The following NELL1 variants were observed in gnomAD, a reference collection of about 807,000 sequenced individuals.
The protein encoded by NELL1 is neural EGFL like 1, also known as protein kinase C-binding protein NELL1.
Under a neutral mutation model 107.4 loss-of-function variants are expected in NELL1, and 76 were observed. The ratio of observed to expected loss-of-function variants is 0.71; its 90% CI spans 0.59 to 0.86. The LOEUF (loss-of-function observed/expected upper bound fraction) is 0.86. NELL1 is among the 40% of genes least tolerant of loss of function. NELL1 has a pLI of 0.00. For synonymous variants in NELL1, 353 were observed against 341.2 expected (o/e 1.03, Z -0.38); for missense variants, 1,024 against 1,005.5 (o/e 1.02, Z -0.25).
chr11:21,385,944 C>T (rs1264909887), intron 15 of NELL1, among the ~76,000 whole-genome samples: 1 of 151,832 alleles, frequency 6.6e-6, no homozygotes, highest in Admixed American at 6.6e-5. Flanking sequence ...ATCCAGTCCC[C>T]ATCTTTTCCT....
Position 21,056,338 on chromosome 11 carries a change from T to A in NELL1, c.1301-57251T>A, listed in dbSNP as rs535781203. 7.9e-5 allele frequency among the ~76,000 whole-genome samples: 12 copies of A among 152,276 alleles called. 2 individuals carry two copies. The South Asian group carries it at 2.5e-3, about 32-fold the overall frequency. On this transcript the variant is annotated intron_variant, in intron 12 of 19. Transcript: ENST00000357134. ...TACCTTATTTGCTAACTTTTAGAAG[T>A]CAAACTGATTATAGTTGGGATCTCA...
intron 16 of NELL1, among the ~76,000 whole-genome samples, chr11:21,536,512 C>T (rs897145056): frequency 8.5e-5 from 13 of 152,152 alleles, no homozygotes; most frequent in African/African-American, 3.1e-4. Context: ...AAAGACTTGT[C>T]ACTCCTTTCT....
rs115490947 is a variant in NELL1, at chr11:21,147,926, G to A, written c.1426+34212G>A. On this transcript the variant is annotated intron_variant, in intron 13 of 19. Coordinates refer to ENST00000357134, the MANE Select transcript of NELL1 (RefSeq NM_006157.5). ...TTAGAAAAGTAGTTGCTTTGGATTA[G>A]TTTGGCATTAGCAGAGGTACCCTAA... is the stretch of plus-strand genomic sequence containing the variant. 2.6e-3 allele frequency among the ~76,000 whole-genome samples: 386 copies of A among 148,630 alleles called. 4 individuals carry two copies. Among genetic ancestry groups the A allele is most frequent in the African/African-American group, 8.8e-3 (357 of 40,510 alleles).
chr11:21,411,510 G>A (rs917612561), intron 15 of NELL1, among the ~76,000 whole-genome samples: 8 of 152,006 alleles, frequency 5.3e-5, no homozygotes, highest in African/African-American at 1.9e-4. Flanking sequence ...AAAATATTTA[G>A]TGGGTGTTTG....
intron 13 of NELL1, among the ~76,000 whole-genome samples, chr11:21,137,805 C>T (rs750996407): frequency 9.9e-5 from 15 of 152,116 alleles, no homozygotes; most frequent in Non-Finnish European, 8.8e-5. Context: ...AGGTCCAAGC[C>T]GGAAGAGGGG....
At chr11:21,048,303 T>C (rs917895042) in intron 12 of NELL1, among the ~76,000 whole-genome samples, 5 of 152,192 alleles carry the variant, frequency 3.3e-5, no homozygotes, top group African/African-American at 4.8e-5. Context: ...TTTATACTTC[T>C]GGGTCAATCT....
At chr11:20,774,057 C>T (rs1354029490) in intron 2 of NELL1, among the ~76,000 whole-genome samples, 1 of 80,144 alleles carries the variant, frequency 1.2e-5, no homozygotes, top group Non-Finnish European at 2.4e-5. Flanking sequence ...CCCTCCCCTC[C>T]CCTCCTGTCC....
rs75054806 is a variant in NELL1, at chr11:20,825,109, C to T, written c.336-22474C>T. ...ATGTGGTGTTGGGCCTGTAGGTCCACAGAGGTCAAAAATTGATGTTTGGGA... is the reference window on the plus strand; with the variant it reads ...ATGTGGTGTTGGGCCTGTAGGTCCATAGAGGTCAAAAATTGATGTTTGGGA... On this transcript the variant is annotated intron_variant, in intron 3 of 19. Transcript: ENST00000357134. 4.0e-3 allele frequency among the ~76,000 whole-genome samples: 607 copies of T among 151,458 alleles called. 9 individuals carry two copies. Among genetic ancestry groups the T allele is most frequent in the African/African-American group, 0.014 (580 of 41,492 alleles).
chr11:20,964,217 C>T (rs1274196784), intron 12 of NELL1, among the ~76,000 whole-genome samples: 2 of 152,068 alleles, frequency 1.3e-5, no homozygotes, highest in African/African-American at 4.8e-5. Flanking sequence ...TAAGTAGTTT[C>T]TGATGCATTA....
chr11:20,931,473 G>A (rs1467637574), intron 9 of NELL1, among the ~76,000 whole-genome samples: 4 of 152,074 alleles, frequency 2.6e-5, no homozygotes, highest in African/African-American at 9.7e-5. Context: ...GTGAGGTAAT[G>A]CATATGTTAG....
At chr11:20,988,525 A>G (rs762863271) in intron 12 of NELL1, among the ~76,000 whole-genome samples, 1 of 150,806 alleles carries the variant, frequency 6.6e-6, no homozygotes, top group African/African-American at 2.4e-5. Context: ...ATATCTATCT[A>G]TATACATATA....
intron 2 of NELL1, among the ~76,000 whole-genome samples, chr11:20,768,572 A>G (rs530411150): frequency 4.3e-4 from 65 of 152,376 alleles, no homozygotes; most frequent in African/African-American, 1.5e-3. Context: ...GACTTTGCAG[A>G]TGTGATTAAG....
intron 12 of NELL1, among the ~76,000 whole-genome samples, chr11:20,982,535 A>G (rs1851770482): frequency 6.6e-6 from 1 of 152,192 alleles, no homozygotes; most frequent in Admixed American, 6.5e-5. Flanking sequence ...GTTCAATGGT[A>G]GTAATGATGT....
chr11:20,752,373 A>C (rs1856160784), intron 2 of NELL1, among the ~76,000 whole-genome samples: 1 of 152,174 alleles, frequency 6.6e-6, no homozygotes, highest in South Asian at 2.1e-4. Flanking sequence ...AACATGGAGA[A>C]ACCCCATCTC....
At chr11:20,809,910 A>C (rs1850876) in intron 3 of NELL1, among the ~76,000 whole-genome samples, 129,261 of 152,124 alleles carry the variant, frequency 0.85, 55,679 homozygotes, top group East Asian at 0.99. Flanking sequence ...TATGGTAGTT[A>C]TATTTTTAGT....
chr11:20,755,877 T>A (rs796186659), intron 2 of NELL1, among the ~76,000 whole-genome samples: 1 of 5,144 alleles, frequency 1.9e-4, no homozygotes, highest in Non-Finnish European at 7.0e-4. Flanking sequence ...TTTTTTTTTT[T>A]TTTTTTTTTT....
intron 2 of NELL1, among the ~76,000 whole-genome samples, chr11:20,684,082 C>A (rs1300662821): frequency 6.8e-6 from 1 of 146,048 alleles, no homozygotes; most frequent in Non-Finnish European, 1.5e-5. Context: ...TAAAGGTGTT[C>A]CATAACTAAT....
At chr11:21,426,818 G>A (rs1564888461) in intron 15 of NELL1, among the ~76,000 whole-genome samples, 1 of 152,118 alleles carries the variant, frequency 6.6e-6, no homozygotes, top group Non-Finnish European at 1.5e-5. Context: ...GGAGGGGCTT[G>A]GTCAATGAAG....
rs528769077 is a variant in NELL1, at chr11:21,451,835, A to G, written c.1645+80887A>G. ...AAGTTTGGTTGGTCATGGCGAGACA[A>G]TGGTCAAAGAACTTTGACTTATTTA... On this transcript the variant is annotated intron_variant, in intron 15 of 19. Coordinates refer to ENST00000357134, the MANE Select transcript of NELL1 (RefSeq NM_006157.5). Among the ~76,000 whole-genome samples, 11 of 152,262 alleles carry G rather than the reference A, an allele frequency of 7.2e-5. 1 individual carries two copies. The South Asian group carries it at 1.9e-3, about 26-fold the overall frequency.
Sources: allele counts gnomAD v4.1 joint callset (sites outside exome capture counted in the v4.1 genomes callset), GRCh38; gene constraint gnomAD v4.1.1; transcripts MANE v1.5; gene names NCBI Gene and HGNC (gene_info 2026-07-23, HGNC 2026-07-21).